Variants in IQGAP1 observed in about 807,000 individuals in gnomAD.
IQGAP1 encodes ras GTPase-activating-like protein IQGAP1.
Under a neutral mutation model 215.6 loss-of-function variants are expected in IQGAP1, and 66 were observed. The observed-to-expected ratio is 0.31, with a 90% CI of 0.25 to 0.38. The LOEUF is 0.38. Among genes scored for constraint, IQGAP1 ranks in the 10% least tolerant of loss-of-function variants. The pLI is 1.00. For synonymous variants in IQGAP1, 772 were observed against 728.7 expected, an observed-to-expected ratio of 1.06 and a Z score of -0.96; for missense variants, 1,712 against 1,997.1, an observed-to-expected ratio of 0.86 and a Z score of 2.72.
chr15:90,488,994 C>A (rs1966166791), intron 33 of IQGAP1, among the ~76,000 whole-genome samples: 1 of 152,058 alleles, frequency 6.6e-6, no homozygotes, highest in Non-Finnish European at 1.5e-5. Context: ...TTAATTAATT[C>A]AGCAGTGCTA....
rs1215929223 is a variant in IQGAP1 at position 90,466,014 on chromosome 15, A to C, written c.1790A>C (p.Glu597Ala). Residue 597 changes from glutamate to alanine, a missense_variant, in exon 16 of 38, where the codon GAG becomes GCG. Transcript: ENST00000268182. ...AATGATATGTAGGAAATCCAGGATG[A>C]GTCAGCTGTGTTATGGTTGGATGAA... is the stretch of plus-strand genomic sequence containing the variant. Reference protein sequence around the residue: ...KREKAQEIQDESAVLWLDEIQ... With the variant: ...KREKAQEIQDASAVLWLDEIQ... 4 of 1,613,918 alleles carry C rather than the reference A, an allele frequency of 2.5e-6. No homozygotes were observed. Among genetic ancestry groups the C allele is most frequent in the Non-Finnish European group, 3.4e-6 (4 of 1,179,892 alleles).
In IQGAP1 at chr15:90,414,287, C is replaced by G. The variant is rs543959390; in HGVS notation, c.156-11823C>G. On this transcript the variant is annotated intron_variant, in intron 2 of 37. Coordinates refer to ENST00000268182, the MANE Select transcript of IQGAP1 (RefSeq NM_003870.4). The stretch of plus-strand genomic sequence containing the variant: ...ATCTCTTGAGTTCAGGAGTTCCATA[C>G]CAGCCTGGACAACATAGTGAAACCT... Among the ~76,000 whole-genome samples, 151 of 151,964 alleles carry G rather than the reference C, an allele frequency of 9.9e-4. 1 individual carries two copies. Among genetic ancestry groups the G allele is most frequent in the African/African-American group, 3.5e-3 (143 of 41,422 alleles).
At chr15:90,415,834 T>C (rs1965039548) in intron 2 of IQGAP1, among the ~76,000 whole-genome samples, 1 of 152,210 alleles carries the variant, frequency 6.6e-6, no homozygotes, top group African/African-American at 2.4e-5. Context: ...CATGCTGCTG[T>C]CCAAGTTCTC....
intron 23 of IQGAP1, among the ~76,000 whole-genome samples, chr15:90,475,401 T>C (rs1161353432): frequency 2.0e-5 from 3 of 151,868 alleles, no homozygotes; most frequent in African/African-American, 7.2e-5. Context: ...CTTCCCAAAG[T>C]GCTGGGATTA....
chr15:90,409,719 G>C (rs1041199050), intron 2 of IQGAP1, among the ~76,000 whole-genome samples: 1 of 152,050 alleles, frequency 6.6e-6, no homozygotes, highest in African/African-American at 2.4e-5. Context: ...TGTAATTCCT[G>C]TGCCTTCCTT....
intron 35 of IQGAP1, 54 bp downstream of exon 35, chr15:90,492,765 G>T: frequency 6.8e-7 from 1 of 1,467,432 alleles, no homozygotes; most frequent in Non-Finnish European, 9.2e-7. Flanking sequence ...TGAGGAAAAA[G>T]CAGAGGCAAC....
chr15:90,413,742 G>T (rs1965002557), intron 2 of IQGAP1, among the ~76,000 whole-genome samples: 1 of 152,124 alleles, frequency 6.6e-6, no homozygotes, highest in South Asian at 2.1e-4. Flanking sequence ...TGGACTCCAG[G>T]TGATCACTAG....
chr15:90,423,442 A>C (rs1210130187), intron 2 of IQGAP1, among the ~76,000 whole-genome samples: 2 of 152,146 alleles, frequency 1.3e-5, no homozygotes, highest in African/African-American at 4.8e-5. Flanking sequence ...CATGTTGTCC[A>C]GGCTGGTCTG....
chr15:90,411,966 A>C (rs907265147), intron 2 of IQGAP1, among the ~76,000 whole-genome samples: 36 of 152,148 alleles, frequency 2.4e-4, no homozygotes, highest in African/African-American at 8.4e-4. Context: ...TTTAATGTAC[A>C]ATTCAATAAT....
intron 2 of IQGAP1, among the ~76,000 whole-genome samples, chr15:90,396,192 G>T (rs1212453315): frequency 1.3e-5 from 2 of 152,168 alleles, no homozygotes; most frequent in East Asian, 3.8e-4. Context: ...TTGGCATAGA[G>T]CATTTTCTGG....
rs372025987 is a variant in IQGAP1, at chr15:90,453,162, G to A, written c.1357G>A (p.Ala453Thr). ...TCTCACCCACCCAGAGCTCTCTGTC[G>A]CAGTGGAGATGTTGTCATCGGTGGC... The part of the protein sequence containing the change: ...HNLTHPELSV[A>T]VEMLSSVALI... The change falls in exon 13 of 38, where the codon GCA becomes ACA. Residue 453 changes from alanine (A) to threonine (T), a missense_variant. This residue lies in a region of IQGAP1 where 1,021 missense variants were observed against 1,074.2 expected (regional missense o/e 0.95). Transcript: ENST00000268182. 2.7e-5 allele frequency: 44 copies of A among 1,613,362 alleles called. No homozygotes were observed. Among genetic ancestry groups the A allele is most frequent in the East Asian group, 4.5e-5 (2 of 44,896 alleles).
chr15:90,426,396 T>C, intron 3 of IQGAP1, 130 bp downstream of exon 3: 1 of 951,236 alleles, frequency 1.1e-6, no homozygotes, highest in Non-Finnish European at 1.5e-6. Flanking sequence ...GCCTTTAAAA[T>C]GCCTGGCAGA....
chr15:90,458,021 C>CA, intron 15 of IQGAP1, among the ~76,000 whole-genome samples: 1 of 152,282 alleles, frequency 6.6e-6, no homozygotes, highest in Middle Eastern at 3.4e-3. Context: ...ACTCAGTACC[C>CA]ATTAGTAGTC....
chr15:90,404,837 T>A lies in IQGAP1; in HGVS notation c.155+13964T>A, dbSNP rs535210585. Among the ~76,000 whole-genome samples the A allele has an allele frequency of 1.4e-4, 22 of 152,320 alleles. No individual in the cohort carries two copies. In the South Asian group the frequency reaches 2.3e-3, roughly 16 times the overall value. ...CTCGGGTGATCCACCTGCCTCGACC[T>A]CCCAAAGTGCTGGGATTACAGCCAA... On this transcript the variant is annotated intron_variant, in intron 2 of 37. Transcript: ENST00000268182.
intron 13 of IQGAP1, among the ~76,000 whole-genome samples, 166 bp from the exon 14 acceptor site, chr15:90,454,262 A>C (rs1267742477): frequency 6.6e-6 from 1 of 152,230 alleles, no homozygotes; most frequent in Non-Finnish European, 1.5e-5. Context: ...GATATTGAGA[A>C]TAAGTGATTT....
intron 1 of IQGAP1, among the ~76,000 whole-genome samples, chr15:90,388,619 C>G (rs1964587520): frequency 6.6e-6 from 1 of 152,090 alleles, no homozygotes; most frequent in East Asian, 1.9e-4. Flanking sequence ...GGCCTCCCGC[C>G]TTAGCTGGGG....
intron 2 of IQGAP1, among the ~76,000 whole-genome samples, chr15:90,420,394 C>T (rs972284863): frequency 6.6e-6 from 1 of 152,150 alleles, no homozygotes; most frequent in African/African-American, 2.4e-5. Context: ...TTCTCTTGCT[C>T]CAGGAGGCAG....
At chr15:90,464,812 A>G (rs1445297283) in intron 15 of IQGAP1, among the ~76,000 whole-genome samples, 2 of 151,976 alleles carry the variant, frequency 1.3e-5, no homozygotes, top group African/African-American at 4.8e-5. Context: ...AGATCACGCC[A>G]CTGCACTCCA....
intron 33 of IQGAP1, among the ~76,000 whole-genome samples, chr15:90,488,768 T>C (rs1226676791): frequency 1.3e-5 from 2 of 152,080 alleles, no homozygotes; most frequent in African/African-American, 4.8e-5. Flanking sequence ...AGAGAGGGCA[T>C]TCGAGGCAGG....
Sources: allele counts gnomAD v4.1 joint callset (sites outside exome capture counted in the v4.1 genomes callset), GRCh38; gene constraint gnomAD v4.1.1; regional missense constraint gnomAD v4.1.1; transcripts MANE v1.5; gene names NCBI Gene and HGNC (gene_info 2026-07-23, HGNC 2026-07-21).